Variants in ATP6V1B2 observed in about 807,000 individuals in gnomAD.
The protein encoded by ATP6V1B2 is ATPase H+ transporting V1 subunit B2, also known as V-type proton ATPase subunit B, brain isoform.
A neutral mutation model predicts 66.7 loss-of-function variants in ATP6V1B2; 23 were observed. The observed-to-expected ratio is 0.34, with a 90% CI of 0.25 to 0.49. The LOEUF (loss-of-function observed/expected upper bound fraction) is 0.49. ATP6V1B2 is among the 20% of genes least tolerant of loss of function. ATP6V1B2 has a pLI of 0.99. For synonymous variants in ATP6V1B2, 278 were observed against 236.7 expected, an observed-to-expected ratio of 1.17 and a Z score of -1.60; for missense variants, 478 against 650.8, an observed-to-expected ratio of 0.73 and a Z score of 2.89.
At chr8:20,200,846 G>A (rs1333058336) in intron 1 of ATP6V1B2, among the ~76,000 whole-genome samples, 1 of 152,176 alleles carries the variant, frequency 6.6e-6, no homozygotes, top group Non-Finnish European at 1.5e-5. Context: ...TCATCATGCA[G>A]ATCTCTACTC....
chr8:20,209,954 T>A (rs2072776458), intron 3 of ATP6V1B2, among the ~76,000 whole-genome samples: 1 of 151,920 alleles, frequency 6.6e-6, no homozygotes, highest in South Asian at 2.1e-4. Flanking sequence ...TTGGCAAGAT[T>A]TCTGTAAAGG....
At chr8:20,211,061 T>G in intron 5 of ATP6V1B2, 116 bp from the exon 6 acceptor site, 1 of 1,311,490 alleles carries the variant, frequency 7.6e-7, no homozygotes, top group African/African-American at 1.5e-5. Context: ...AGAGATGCTT[T>G]ATGTAGTTCT....
At chr8:20,216,605 A>G (rs1284792937) in intron 11 of ATP6V1B2, 110 bp downstream of exon 11, 3 of 905,628 alleles carry the variant, frequency 3.3e-6, no homozygotes, top group Non-Finnish European at 5.0e-6. Context: ...TATCAACTTG[A>G]ATTGTTTTTA....
intron 11 of ATP6V1B2, 122 bp from the exon 12 acceptor site, chr8:20,217,098 A>G: frequency 1.3e-6 from 1 of 775,962 alleles, no homozygotes; most frequent in Non-Finnish European, 2.1e-6. Flanking sequence ...CATCTAGGAG[A>G]CAAATGCAGC....
Position 20,197,396 on chromosome 8 carries a change from G to A in ATP6V1B2, c.-11G>A, listed in dbSNP as rs1022342365. The A allele has an allele frequency of 2.0e-5, 31 of 1,531,290 alleles. No individual in the cohort carries two copies. The highest frequency in any genetic ancestry group is 2.5e-5 in the Non-Finnish European group (29 of 1,140,426). The allele number at this position is 1,531,290 out of a possible 1,614,324, so 94.9% of individuals were successfully genotyped here. On this transcript the variant is annotated 5_prime_UTR_variant, in exon 1 of 14. Transcript: ENST00000276390. ...CGTCGCTGCTGGGCCAGTCGGGACA[G>A]AGGAGACAAGATGGCGCTGCGGGCG...
intron 1 of ATP6V1B2, among the ~76,000 whole-genome samples, chr8:20,203,760 G>A (rs898392114): frequency 6.6e-6 from 1 of 152,144 alleles, no homozygotes; most frequent in Non-Finnish European, 1.5e-5. Flanking sequence ...GGTAGAATTA[G>A]CTGTTTATTC....
chr8:20,206,769 G>A (rs895789235), intron 2 of ATP6V1B2, among the ~76,000 whole-genome samples: 15 of 152,000 alleles, frequency 9.9e-5, no homozygotes, highest in Admixed American at 7.9e-4. Context: ...CCTTAGCAGC[G>A]GTGATTAGTC....
chr8:20,214,162 G>A (rs2072826284), intron 9 of ATP6V1B2: 1 of 152,128 alleles, frequency 6.6e-6, no homozygotes, highest in Non-Finnish European at 1.5e-5. Context: ...AATGCTTTAG[G>A]GTTCTAGTTG....
chr8:20,216,239 G>T, intron 10 of ATP6V1B2, 174 bp from the exon 11 acceptor site: 1 of 568,626 alleles, frequency 1.8e-6, no homozygotes, highest in Non-Finnish European at 3.1e-6. Flanking sequence ...GTACTGCACA[G>T]CACAGACACA....
At chr8:20,200,475 C>T (rs1178327304) in intron 1 of ATP6V1B2, among the ~76,000 whole-genome samples, 1 of 152,184 alleles carries the variant, frequency 6.6e-6, no homozygotes, top group African/African-American at 2.4e-5. Flanking sequence ...GTAATGTTGA[C>T]AGTTCCACTG....
rs761544406 is a variant in ATP6V1B2 at position 20,211,138 on chromosome 8, G to C, written c.464-39G>C. The C allele has an allele frequency of 2.5e-6, 4 of 1,586,626 alleles. No homozygotes were observed. The East Asian group carries it at 9.2e-5, about 37-fold the overall frequency. On this transcript the variant is annotated intron_variant, in intron 5 of 13. Transcript: ENST00000276390. ...ATCTAATTTCATTCATGAATAATGC[G>C]GCAACTTGTTGAAATTTTCCTTTTT...
intron 3 of ATP6V1B2, 101 bp from the exon 4 acceptor site, chr8:20,210,245 A>C (rs192932150): frequency 3.4e-6 from 3 of 880,766 alleles, no homozygotes; most frequent in Admixed American, 5.2e-5. Flanking sequence ...GTATACATTC[A>C]TGGGTTTTAC....
At chr8:20,218,793 A>T (rs1290638284) in intron 13 of ATP6V1B2, among the ~76,000 whole-genome samples, 1 of 151,736 alleles carries the variant, frequency 6.6e-6, no homozygotes, top group African/African-American at 2.4e-5. Flanking sequence ...ACCTTTACCC[A>T]CTGTCCAGAC....
intron 1 of ATP6V1B2, among the ~76,000 whole-genome samples, chr8:20,198,637 A>T (rs1296873817): frequency 1.3e-5 from 2 of 152,178 alleles, no homozygotes; most frequent in Non-Finnish European, 2.9e-5. Context: ...TAATTGCCAG[A>T]GTGTCTGTCT....
chr8:20,210,926 A>C (rs750652155), intron 5 of ATP6V1B2, among the ~76,000 whole-genome samples: 6 of 152,134 alleles, frequency 3.9e-5, no homozygotes, highest in Non-Finnish European at 8.8e-5. Context: ...CTTATTTGCT[A>C]TATCTTTATT....
chr8:20,211,158 C>A lies in ATP6V1B2; in HGVS notation c.464-19C>A. 1 of 1,591,814 alleles carries A rather than the reference C, an allele frequency of 6.3e-7. No individual in the cohort carries two copies. ...AATGCGGCAACTTGTTGAAATTTTCCTTTTTGGAAATACATTAGGTCAGCC... is the reference window on the plus strand; with the variant it reads ...AATGCGGCAACTTGTTGAAATTTTCATTTTTGGAAATACATTAGGTCAGCC... On this transcript the variant is annotated intron_variant, in intron 5 of 13. Coordinates refer to ENST00000276390, the MANE Select transcript of ATP6V1B2 (RefSeq NM_001693.4).
chr8:20,203,884 T>G (rs151099088), intron 1 of ATP6V1B2: 13 of 415,992 alleles, frequency 3.1e-5, no homozygotes, highest in African/African-American at 2.3e-4. Flanking sequence ...TTCTTTCCAT[T>G]GCCTACTCCG....
intron 3 of ATP6V1B2, among the ~76,000 whole-genome samples, chr8:20,210,116 G>GTA (rs925619858): frequency 1.3e-5 from 2 of 148,630 alleles, no homozygotes; most frequent in African/African-American, 2.5e-5. Flanking sequence ...TTATGTATGT[G>GTA]TATATATATA....
At chr8:20,205,375 C>G (rs1333341535) in intron 2 of ATP6V1B2, among the ~76,000 whole-genome samples, 1 of 152,030 alleles carries the variant, frequency 6.6e-6, no homozygotes, top group African/African-American at 2.4e-5. Flanking sequence ...CGGGGTCTCC[C>G]CTAGTTGAGC....
Sources: allele counts gnomAD v4.1 joint callset (sites outside exome capture counted in the v4.1 genomes callset), GRCh38; gene constraint gnomAD v4.1.1; transcripts MANE v1.5; gene names NCBI Gene and HGNC (gene_info 2026-07-23, HGNC 2026-07-21).